CSMD1: variants seen among roughly 807,000 people sequenced by gnomAD.
CSMD1 encodes CUB and Sushi multiple domains 1.
CSMD1 carries 213 observed loss-of-function variants against 417.5 expected under a neutral mutation model. The ratio of observed to expected loss-of-function variants is 0.51; its 90% CI spans 0.46 to 0.57. The LOEUF (loss-of-function observed/expected upper bound fraction) is 0.57. Among genes scored for constraint, CSMD1 ranks in the 20% least tolerant of loss-of-function variants. The pLI, the probability that CSMD1 is intolerant of heterozygous loss-of-function variation, is 0.00. For synonymous variants in CSMD1, 2,862 were observed against 1,736.8 expected, an observed-to-expected ratio of 1.65 and a Z score of -16.11; for missense variants, 6,923 against 4,529.7, an observed-to-expected ratio of 1.53 and a Z score of -15.17.
intron 3 of CSMD1, among the ~76,000 whole-genome samples, chr8:4,288,890 C>T (rs1007040452): frequency 5.3e-5 from 8 of 152,142 alleles, no homozygotes; most frequent in Non-Finnish European, 7.3e-5. Context: ...ATATTAGTTA[C>T]TTAACAACTA....
At chr8:4,981,976 G>A (rs537464838) in intron 1 of CSMD1, among the ~76,000 whole-genome samples, 17 of 152,140 alleles carry the variant, frequency 1.1e-4, no homozygotes, top group Non-Finnish European at 1.5e-4. Flanking sequence ...CCCAGGAACT[G>A]ATGGTAAACT....
intron 3 of CSMD1, among the ~76,000 whole-genome samples, chr8:4,367,028 G>C (rs1398554528): frequency 3.3e-5 from 5 of 152,062 alleles, no homozygotes; most frequent in African/African-American, 9.7e-5. Flanking sequence ...TTCTTTTGCT[G>C]TGCAGAAGCT....
intron 10 of CSMD1, among the ~76,000 whole-genome samples, chr8:3,498,828 T>G (rs1016884627): frequency 6.6e-6 from 1 of 152,184 alleles, no homozygotes; most frequent in African/African-American, 2.4e-5. Flanking sequence ...ATTATTCAGT[T>G]TCAAGACTTC....
chr8:4,000,245 T>A (rs1274728145), intron 4 of CSMD1, among the ~76,000 whole-genome samples: 2 of 151,942 alleles, frequency 1.3e-5, no homozygotes, highest in African/African-American at 4.8e-5. Context: ...CCGCCCTCCG[T>A]GGACACCACT....
intron 10 of CSMD1, among the ~76,000 whole-genome samples, chr8:3,562,177 G>T (rs926774499): frequency 3.3e-5 from 5 of 152,270 alleles, no homozygotes; most frequent in South Asian, 4.1e-4. Flanking sequence ...GTAGTAGGTG[G>T]GGAAAGATGG....
At chr8:4,287,543 T>C (rs1352364207) in intron 3 of CSMD1, among the ~76,000 whole-genome samples, 6 of 152,130 alleles carry the variant, frequency 3.9e-5, no homozygotes, top group Non-Finnish European at 5.9e-5. Flanking sequence ...ATTATCGTTA[T>C]AGATAACAAA....
intron 1 of CSMD1, among the ~76,000 whole-genome samples, chr8:4,921,878 T>A (rs1276734403): frequency 6.6e-6 from 1 of 152,194 alleles, no homozygotes; most frequent in East Asian, 1.9e-4. Context: ...AGTGACTGTA[T>A]TCACTCAGAA....
intron 23 of CSMD1, among the ~76,000 whole-genome samples, chr8:3,333,331 G>C (rs1184865457): frequency 2.0e-5 from 3 of 151,956 alleles, no homozygotes; most frequent in East Asian, 1.9e-4. Flanking sequence ...TTTTGTTACA[G>C]AGCAATAGAA....
At chr8:3,448,378 G>A (rs867194335) in intron 12 of CSMD1, among the ~76,000 whole-genome samples, 5 of 17,262 alleles carry the variant, frequency 2.9e-4, no homozygotes, top group Non-Finnish European at 5.2e-4. Context: ...AGGAAGGGAG[G>A]GGGAGGAGGG....
chr8:3,213,184 G>A (rs765975948), intron 30 of CSMD1, among the ~76,000 whole-genome samples: 1 of 152,096 alleles, frequency 6.6e-6, no homozygotes, highest in Non-Finnish European at 1.5e-5. Context: ...AGCATTGTTA[G>A]GCTGTCTTAA....
chr8:4,098,018 C>G (rs1333794241), intron 3 of CSMD1, among the ~76,000 whole-genome samples: 1 of 152,112 alleles, frequency 6.6e-6, no homozygotes, highest in Non-Finnish European at 1.5e-5. Flanking sequence ...GAGTGATTTG[C>G]AGGAGTTCAT....
chr8:3,750,127 G>A (rs979643613), intron 6 of CSMD1, among the ~76,000 whole-genome samples: 1 of 152,078 alleles, frequency 6.6e-6, no homozygotes. Context: ...GGAAGGCTAG[G>A]AACCACAAAG....
intron 6 of CSMD1, among the ~76,000 whole-genome samples, chr8:3,739,697 G>T (rs1796695802): frequency 6.6e-6 from 1 of 152,104 alleles, no homozygotes; most frequent in African/African-American, 2.4e-5. Flanking sequence ...TGTACCACAT[G>T]GCATAATGGG....
chr8:3,510,424 G>A (rs540457586), intron 10 of CSMD1, among the ~76,000 whole-genome samples: 6 of 151,904 alleles, frequency 3.9e-5, no homozygotes, highest in African/African-American at 1.5e-4. Flanking sequence ...TGCTGATTTG[G>A]CCTGGCATGG....
intron 4 of CSMD1, among the ~76,000 whole-genome samples, chr8:4,008,119 G>C (rs985184921): frequency 1.3e-5 from 2 of 152,154 alleles, no homozygotes; most frequent in Admixed American, 6.5e-5. Context: ...ATGAAATAAA[G>C]TCAAGGCAGG....
chr8:3,127,526 T>C (rs1489848918), intron 41 of CSMD1: 4 of 152,130 alleles, frequency 2.6e-5, no homozygotes, highest in African/African-American at 7.2e-5. Flanking sequence ...AGGGGAAAAA[T>C]TGGTATAACA....
At chr8:4,871,989 T>C (rs1802763687) in intron 1 of CSMD1, among the ~76,000 whole-genome samples, 1 of 152,102 alleles carries the variant, frequency 6.6e-6, no homozygotes, top group South Asian at 2.1e-4. Context: ...CCCCAGCATT[T>C]TGCAGAAACA....
chr8:3,885,898 G>A (rs555930785), intron 5 of CSMD1, among the ~76,000 whole-genome samples: 39 of 152,192 alleles, frequency 2.6e-4, no homozygotes, highest in African/African-American at 9.2e-4. Flanking sequence ...TAGGAGTAAA[G>A]TTTGTTGTTA....
At chr8:4,034,365 C>T (rs1385022200) in intron 3 of CSMD1, among the ~76,000 whole-genome samples, 1 of 152,130 alleles carries the variant, frequency 6.6e-6, no homozygotes, top group Non-Finnish European at 1.5e-5. Context: ...GAAGTAATTT[C>T]TGAGAGCAGT....
Sources: gnomAD v4.1 joint callset for allele counts (sites outside exome capture counted in the v4.1 genomes callset) on GRCh38, gnomAD v4.1.1 for gene constraint, MANE v1.5 for transcripts, NCBI Gene and HGNC (gene_info 2026-07-23, HGNC 2026-07-21) for gene names.